Variants in LPP observed in about 807,000 individuals in gnomAD.
The protein encoded by LPP is LIM domain containing preferred translocation partner in lipoma.
LPP carries 38 observed loss-of-function variants against 60.4 expected under a neutral mutation model. That is an observed-to-expected ratio of 0.63 (90% CI 0.49 to 0.83). The LOEUF is 0.83. Ranked by LOEUF, LPP falls within the 40% of genes least tolerant of loss-of-function variation. LPP has a pLI of 0.00. For synonymous variants in LPP, 328 were observed against 290.8 expected (o/e 1.13, Z -1.30); for missense variants, 902 against 783.6 (o/e 1.15, Z -1.80).
At chr3:188,312,732 CTTTA>C (rs758412472) in intron 2 of LPP, 18 of 152,028 alleles carry the variant, frequency 1.2e-4, no homozygotes, top group Non-Finnish European at 2.4e-4. Flanking sequence ...GAAAAGCTAC[CTTTA>C]TTGTATATTA....
At chr3:188,498,222 G>A (rs1013889468) in intron 5 of LPP, among the ~76,000 whole-genome samples, 9 of 151,798 alleles carry the variant, frequency 5.9e-5, no homozygotes, top group South Asian at 2.1e-4. Flanking sequence ...TATCTTCACC[G>A]TTTAATGTTC....
chr3:188,542,111 G>A (rs1312596812), intron 6 of LPP, among the ~76,000 whole-genome samples: 1 of 152,066 alleles, frequency 6.6e-6, no homozygotes, highest in Non-Finnish European at 1.5e-5. Context: ...AGAACTATTA[G>A]GTTTGGAAAA....
Position 188,881,139 on chromosome 3 carries a change from C to CAAAAAAAAAAAAAA in LPP, c.*6666_*6679dup, listed in dbSNP as rs11328247. ...TGGGCGAAAGAGCGAGACTCCGTCT[C>CAAAAAAAAAAAAAA]AAAAAAAAAAAAAAAAAAATAGGAT... On this transcript the variant is annotated 3_prime_UTR_variant, in exon 12 of 12. Transcript: ENST00000617246. 4.3e-4 allele frequency: 31 copies of CAAAAAAAAAAAAAA among 72,602 alleles called. 2 individuals carry two copies. Among genetic ancestry groups the CAAAAAAAAAAAAAA allele is most frequent in the East Asian group, 1.2e-3 (4 of 3,374 alleles). 4.5% of individuals were successfully genotyped at this position (72,602 alleles called of 1,614,324 possible). A position where few individuals can be genotyped will look rare whatever the true frequency, so the allele number is the denominator to read the frequency against.
chr3:188,278,773 T>C (rs1404174130), intron 2 of LPP, among the ~76,000 whole-genome samples: 1 of 152,082 alleles, frequency 6.6e-6, no homozygotes, highest in Non-Finnish European at 1.5e-5. Flanking sequence ...AGAGTGAGGT[T>C]GGAGAGAGGC....
intron 1 of LPP, among the ~76,000 whole-genome samples, chr3:188,184,714 A>G (rs959634579): frequency 7.6e-5 from 11 of 144,842 alleles, no homozygotes; most frequent in African/African-American, 2.8e-4. Context: ...TTAGGATAGT[A>G]GAGAAAGAGC....
At chr3:188,592,031 T>C (rs770689443) in intron 6 of LPP, among the ~76,000 whole-genome samples, 2 of 152,190 alleles carry the variant, frequency 1.3e-5, no homozygotes, top group Non-Finnish European at 2.9e-5. Context: ...TTGCACCTCC[T>C]CAAATCTTTT....
chr3:188,396,733 G>A (rs1781040411), intron 3 of LPP, among the ~76,000 whole-genome samples: 1 of 152,284 alleles, frequency 6.6e-6, no homozygotes, highest in South Asian at 2.1e-4. Context: ...TCAAAGAGGT[G>A]CAGGCTATTG....
intron 10 of LPP, 88 bp downstream of exon 10, chr3:188,866,466 C>A: frequency 9.3e-7 from 1 of 1,076,660 alleles, no homozygotes; most frequent in Non-Finnish European, 1.2e-6. Context: ...ATTCTTCTCT[C>A]TCAGAACTAC....
rs1418136592 is a variant in LPP, at chr3:188,593,487, T to A, written c.430-15674T>A. The stretch of plus-strand genomic sequence containing the variant: ...AAGTTATTGGGGTATAGGTGGTATT[T>A]GGTTACATTAGTAAGTTCTTTAACG... On this transcript the variant is annotated intron_variant, in intron 6 of 11. Transcript: ENST00000617246. 1.1e-4 allele frequency among the ~76,000 whole-genome samples: 17 copies of A among 152,298 alleles called. 1 individual carries two copies. The highest frequency in any genetic ancestry group is 2.6e-4 in the African/African-American group (11 of 41,566).
At chr3:188,438,194 T>A (rs372484777) in intron 4 of LPP, among the ~76,000 whole-genome samples, 1 of 151,980 alleles carries the variant, frequency 6.6e-6, no homozygotes, top group African/African-American at 2.4e-5. Context: ...AACAGACAGG[T>A]TGGTTAGAAT....
intron 7 of LPP, among the ~76,000 whole-genome samples, chr3:188,630,034 T>G (rs1325239379): frequency 6.6e-6 from 1 of 152,054 alleles, no homozygotes; most frequent in African/African-American, 2.4e-5. Flanking sequence ...ACCTAGGAAA[T>G]TATATTCTAG....
chr3:188,204,260 C>T (rs1732526690), intron 1 of LPP, among the ~76,000 whole-genome samples: 1 of 152,060 alleles, frequency 6.6e-6, no homozygotes, highest in Admixed American at 6.6e-5. Flanking sequence ...GGAGACGTGG[C>T]TAAAAACATA....
intron 3 of LPP, among the ~76,000 whole-genome samples, chr3:188,405,857 T>C (rs962278361): frequency 6.9e-6 from 1 of 144,166 alleles, no homozygotes; most frequent in African/African-American, 2.5e-5. Flanking sequence ...GAGGCAGTGT[T>C]CTCTTCCTGC....
intron 7 of LPP, among the ~76,000 whole-genome samples, chr3:188,651,219 A>G (rs1047467885): frequency 6.6e-6 from 1 of 152,210 alleles, no homozygotes; most frequent in African/African-American, 2.4e-5. Flanking sequence ...TCAGACATAT[A>G]TAACGCAGTC....
chr3:188,864,142 T>C (rs1019674430), intron 9 of LPP, among the ~76,000 whole-genome samples: 60 of 152,124 alleles, frequency 3.9e-4, no homozygotes, highest in African/African-American at 1.3e-3. Context: ...CACTTCAAAA[T>C]GGGAAAAACA....
intron 3 of LPP, among the ~76,000 whole-genome samples, chr3:188,361,520 TCCTCTCCTCTCCTCTCCTCTCCTCC>T (rs745865520): frequency 3.5e-5 from 4 of 114,546 alleles, no homozygotes; most frequent in Admixed American, 9.4e-5. Flanking sequence ...CCCTCTCCTC[TCCTCTCCTCTCCTCTCCTCTCCTCC>T]CCTCTCCTCT....
chr3:188,831,510 CTG>C (rs1258009348), intron 9 of LPP, among the ~76,000 whole-genome samples: 1 of 152,140 alleles, frequency 6.6e-6, no homozygotes, highest in African/African-American at 2.4e-5. Context: ...GCTTCCCCCT[CTG>C]TAGCATATAA....
At chr3:188,469,070 CTT>C (rs1434015337) in intron 4 of LPP, among the ~76,000 whole-genome samples, 1 of 152,130 alleles carries the variant, frequency 6.6e-6, no homozygotes, top group East Asian at 1.9e-4. Flanking sequence ...CAAGGATTGA[CTT>C]TTTTATGGAG....
At chr3:188,208,873 C>A (rs566968709) in intron 1 of LPP, among the ~76,000 whole-genome samples, 1 of 150,866 alleles carries the variant, frequency 6.6e-6, no homozygotes, top group Non-Finnish European at 1.5e-5. Flanking sequence ...CTTTGTCTTG[C>A]GAATGACCTC....
Sources: allele counts gnomAD v4.1 joint callset (sites outside exome capture counted in the v4.1 genomes callset), GRCh38; gene constraint gnomAD v4.1.1; transcripts MANE v1.5; gene names NCBI Gene and HGNC (gene_info 2026-07-23, HGNC 2026-07-21).